The following CALCR variants were observed in gnomAD, a reference collection of about 807,000 sequenced individuals.
CALCR encodes calcitonin receptor.
A neutral mutation model predicts 59.5 loss-of-function variants in CALCR; 47 were observed. The observed-to-expected ratio is 0.79, with a 90% CI of 0.63 to 1.01. CALCR has a LOEUF of 1.01. CALCR is among the 50% of genes least tolerant of loss of function. The pLI, the probability that CALCR is intolerant of heterozygous loss-of-function variation, is 0.00. For synonymous variants in CALCR, 213 were observed against 211.3 expected, an observed-to-expected ratio of 1.01 and a Z score of -0.07; for missense variants, 566 against 597.1, an observed-to-expected ratio of 0.95 and a Z score of 0.54.
At chr7:93,493,268 C>T (rs943096113) in intron 2 of CALCR, among the ~76,000 whole-genome samples, 3 of 151,230 alleles carry the variant, frequency 2.0e-5, no homozygotes, top group African/African-American at 4.8e-5. Flanking sequence ...ACAACTATAT[C>T]CTCACCACAC....
At chr7:93,517,281 A>G (rs1801669147) in intron 2 of CALCR, among the ~76,000 whole-genome samples, 1 of 124,896 alleles carries the variant, frequency 8.0e-6, no homozygotes, top group Admixed American at 7.9e-5. Flanking sequence ...TTACTATAAA[A>G]AAGTCAGAAT....
intron 2 of CALCR, among the ~76,000 whole-genome samples, chr7:93,537,173 A>C (rs1030877374): frequency 6.6e-6 from 1 of 151,800 alleles, no homozygotes. Context: ...TTAAATAAGC[A>C]TTCATATAAC....
At chr7:93,529,536 T>C (rs1431724323) in intron 2 of CALCR, among the ~76,000 whole-genome samples, 6 of 152,190 alleles carry the variant, frequency 3.9e-5, no homozygotes, top group Non-Finnish European at 2.9e-5. Context: ...AATCAACAAT[T>C]TGAAGAACCA....
intron 2 of CALCR, among the ~76,000 whole-genome samples, chr7:93,512,463 CTTTCT>C (rs1039600748): frequency 9.2e-5 from 14 of 151,998 alleles, no homozygotes; most frequent in African/African-American, 3.4e-4. Context: ...TTAGAAAAGG[CTTTCT>C]TTTCTTTTAT....
chr7:93,544,957 A>G (rs1789246431), intron 2 of CALCR, among the ~76,000 whole-genome samples: 1 of 152,182 alleles, frequency 6.6e-6, no homozygotes, highest in South Asian at 2.1e-4. Context: ...CTGAATATGA[A>G]CTCATCTTTT....
At chr7:93,558,402 TCTG>T (rs1419562489) in intron 2 of CALCR, among the ~76,000 whole-genome samples, 1 of 152,070 alleles carries the variant, frequency 6.6e-6, no homozygotes, top group Non-Finnish European at 1.5e-5. Context: ...CATTATTTAC[TCTG>T]CTATTTGTTT....
intron 7 of CALCR, among the ~76,000 whole-genome samples, chr7:93,464,473 G>A (rs759604569): frequency 2.0e-5 from 3 of 151,754 alleles, no homozygotes; most frequent in South Asian, 2.1e-4. Flanking sequence ...CTAGGATCAC[G>A]TGTTATTCAT....
intron 2 of CALCR, among the ~76,000 whole-genome samples, chr7:93,523,644 T>C (rs1325960660): frequency 3.9e-5 from 6 of 152,158 alleles, no homozygotes. Context: ...TAAGTTCTTA[T>C]TATCCTATGA....
chr7:93,468,686 T>A, intron 7 of CALCR, 29 bp downstream of exon 7: 3 of 1,454,116 alleles, frequency 2.1e-6, no homozygotes, highest in Non-Finnish European at 2.9e-6. Flanking sequence ...AAGGAGGAAA[T>A]AAAGAGCAGA....
At chr7:93,504,953 G>A (rs2116017950) in intron 2 of CALCR, among the ~76,000 whole-genome samples, 1 of 152,184 alleles carries the variant, frequency 6.6e-6, no homozygotes, top group South Asian at 2.1e-4. Flanking sequence ...AGATGCTGCT[G>A]CAAAAAGAGC....
chr7:93,539,914 AC>A (rs1789087288), intron 2 of CALCR, among the ~76,000 whole-genome samples: 1 of 152,106 alleles, frequency 6.6e-6, no homozygotes, highest in Non-Finnish European at 1.5e-5. Flanking sequence ...TGTTGAAGAT[AC>A]TCCAGGTCTG....
chr7:93,543,766 A>G (rs1330450938), intron 2 of CALCR, among the ~76,000 whole-genome samples: 1 of 151,928 alleles, frequency 6.6e-6, no homozygotes, highest in Non-Finnish European at 1.5e-5. Context: ...GTTTTTTTTC[A>G]GGTCCAATAT....
At chr7:93,528,871 G>T (rs1213602031) in intron 2 of CALCR, among the ~76,000 whole-genome samples, 1 of 152,118 alleles carries the variant, frequency 6.6e-6, no homozygotes, top group Non-Finnish European at 1.5e-5. Flanking sequence ...GATACTGATA[G>T]TATTTAACCA....
At chr7:93,468,626 C>T (rs1800487621) in intron 7 of CALCR, 89 bp downstream of exon 7, 1 of 826,904 alleles carries the variant, frequency 1.2e-6, no homozygotes, top group Non-Finnish European at 2.0e-6. Flanking sequence ...TGCTGAAGAC[C>T]CTTCCCCACC....
intron 3 of CALCR, among the ~76,000 whole-genome samples, chr7:93,484,266 G>C (rs1220797228): frequency 6.6e-6 from 1 of 151,766 alleles, no homozygotes; most frequent in Non-Finnish European, 1.5e-5. Flanking sequence ...ATGTAGGACA[G>C]TCAGTTTGCT....
intron 2 of CALCR, among the ~76,000 whole-genome samples, chr7:93,542,490 G>T (rs988584114): frequency 2.6e-5 from 4 of 152,126 alleles, no homozygotes; most frequent in African/African-American, 9.7e-5. Context: ...GAATGTGAAG[G>T]CCTAGGACAT....
At chr7:93,489,318 A>T (rs915973877) in intron 2 of CALCR, among the ~76,000 whole-genome samples, 1 of 151,926 alleles carries the variant, frequency 6.6e-6, no homozygotes, top group Admixed American at 6.6e-5. Context: ...AGCTGCAAAG[A>T]TCTCAAATCG....
Position 93,426,125 on chromosome 7 carries a change from G to T in CALCR, c.*231C>A. The stretch of plus-strand genomic sequence containing the variant: ...ACTGTGACATTTGCATCTCAGTCCT[G>T]GATGAATGATGGAGTTCACAAGTTG... On this transcript the variant is annotated 3_prime_UTR_variant, in exon 14 of 14. Transcript: ENST00000426151. The T allele has an allele frequency of 2.1e-6, 1 of 484,726 alleles. No homozygotes were observed. Among genetic ancestry groups the T allele is most frequent in the South Asian group, 3.6e-5 (1 of 27,732 alleles). The allele number at this position is 484,726 out of a possible 1,614,324, so 30.0% of individuals were successfully genotyped here.
At chr7:93,505,292 G>A (rs1231625162) in intron 2 of CALCR, among the ~76,000 whole-genome samples, 1 of 152,180 alleles carries the variant, frequency 6.6e-6, no homozygotes, top group Non-Finnish European at 1.5e-5. Context: ...GTCAAAGCAG[G>A]AAGAGTTTGA....
Sources: allele counts gnomAD v4.1 joint callset (sites outside exome capture counted in the v4.1 genomes callset), GRCh38; gene constraint gnomAD v4.1.1; transcripts MANE v1.5; gene names NCBI Gene and HGNC (gene_info 2026-07-23, HGNC 2026-07-21).